Variants in NUMA1 observed in about 807,000 individuals in gnomAD.
The protein encoded by NUMA1 is nuclear mitotic apparatus protein 1, also known as SP-H antigen.
NUMA1 carries 62 observed loss-of-function variants against 237.1 expected under a neutral mutation model. The observed-to-expected ratio is 0.26, with a 90% CI of 0.21 to 0.32. NUMA1 has a LOEUF of 0.32. Among genes scored for constraint, NUMA1 ranks in the 10% least tolerant of loss-of-function variants. The pLI is 1.00. For synonymous variants in NUMA1, 1,028 were observed against 1,066.1 expected (o/e 0.96, Z 0.70); for missense variants, 2,533 against 2,666.5 (o/e 0.95, Z 1.10).
chr11:72,051,507 G>C (rs1942360447), intron 2 of NUMA1, among the ~76,000 whole-genome samples: 2 of 137,622 alleles, frequency 1.5e-5, no homozygotes, highest in Non-Finnish European at 3.0e-5. Context: ...GTCTCACTCT[G>C]CTGCCCAGGC....
At chr11:72,047,612 A>G (rs1183686665) in intron 2 of NUMA1, among the ~76,000 whole-genome samples, 3 of 152,182 alleles carry the variant, frequency 2.0e-5, no homozygotes, top group Non-Finnish European at 4.4e-5. Context: ...TGCAGCTTCT[A>G]GAGTTCTAGC....
At chr11:72,049,583 A>ATATATATATATATATAGTGT (rs71052844) in intron 2 of NUMA1, 1 of 22,556 alleles carries the variant, frequency 4.4e-5, no homozygotes, top group African/African-American at 1.0e-4. Context: ...ATATATATAT[A>ATATATATATATATATAGTGT]GTGTGTGTGT....
chr11:72,036,544 G>T (rs1941043182), intron 2 of NUMA1, among the ~76,000 whole-genome samples: 1 of 152,110 alleles, frequency 6.6e-6, no homozygotes, highest in South Asian at 2.1e-4. Flanking sequence ...CTTTCTACAG[G>T]TACCCAAATT....
intron 3 of NUMA1, among the ~76,000 whole-genome samples, chr11:72,033,560 A>G: frequency 6.6e-6 from 1 of 151,906 alleles, no homozygotes; most frequent in East Asian, 1.9e-4. Context: ...TTTTGAAGAG[A>G]CAGGGTCTCA....
intron 4 of NUMA1, 91 bp downstream of exon 4, chr11:72,029,114 A>G: frequency 2.2e-6 from 2 of 890,586 alleles, no homozygotes; most frequent in Non-Finnish European, 3.5e-6. Flanking sequence ...TTCTGGTCAT[A>G]GCCATCATCA....
chr11:72,022,043 G>A (rs955058418), intron 7 of NUMA1, among the ~76,000 whole-genome samples: 9 of 152,162 alleles, frequency 5.9e-5, no homozygotes, highest in African/African-American at 2.2e-4. Flanking sequence ...TATAGGAACA[G>A]AGAATAATTT....
intron 3 of NUMA1, among the ~76,000 whole-genome samples, 166 bp from the exon 4 acceptor site, chr11:72,029,456 T>A (rs1940012790): frequency 1.3e-5 from 2 of 152,222 alleles, no homozygotes; most frequent in Admixed American, 1.3e-4. Flanking sequence ...CACTCACTCA[T>A]CCAGTTACAG....
At chr11:72,052,056 C>G (rs1398069421) in intron 2 of NUMA1, among the ~76,000 whole-genome samples, 1 of 152,050 alleles carries the variant, frequency 6.6e-6, no homozygotes, top group African/African-American at 2.4e-5. Flanking sequence ...GTGGCAGCGA[C>G]AGAGGTAGAG....
At position 72,029,078 on chromosome 11, in the gene NUMA1, TATG is replaced by T; in HGVS notation, c.128+124_128+126del. On this transcript the variant is annotated intron_variant, in intron 4 of 26. Transcript: ENST00000393695. ...CTTGCCTTTAGGCCCCACCCTGGCT[TATG>T]ATGTCCCAATCCTTCCCCTGATTTC... 3 of 638,728 alleles carry T rather than the reference TATG, an allele frequency of 4.7e-6. No homozygotes were observed. In the South Asian group the frequency reaches 6.1e-5, roughly 13 times the overall value. The allele number at this position is 638,728 out of a possible 1,614,324, so 39.6% of individuals were successfully genotyped here.
intron 25 of NUMA1, 37 bp downstream of exon 25, chr11:72,004,188 A>T (rs199986139): frequency 1.2e-6 from 2 of 1,604,246 alleles, no homozygotes; most frequent in Admixed American, 3.5e-5. Flanking sequence ...AGGTCCCGCC[A>T]GGGCGTCGCT....
chr11:72,021,021 A>C (rs1401618213), intron 8 of NUMA1, 183 bp downstream of exon 8: 2 of 585,488 alleles, frequency 3.4e-6, no homozygotes, highest in Non-Finnish European at 6.1e-6. Context: ...GGAGCTCCAT[A>C]GGAACTGAGA....
intron 9 of NUMA1, 42 bp from the exon 10 acceptor site, chr11:72,019,022 G>T: frequency 6.2e-7 from 1 of 1,605,424 alleles, no homozygotes; most frequent in Non-Finnish European, 8.5e-7. Flanking sequence ...AAGCGCCTAA[G>T]ATCTGAAGCA....
rs763350835 is a variant in NUMA1, at chr11:72,006,225, C to T, written c.5502G>A (p.Ser1834=). Residue 1834 remains serine, a synonymous_variant, in exon 22 of 27, where the codon TCG becomes TCA. Transcript: ENST00000393695. ...DVEEPDSANS[S]FYSTRSAPAS... ...CAGGAGCAGACCGCGTGCTGTAGAA[C>T]GATGAGTTGGCGCTGTCTGGCTCTT... 32 of 1,614,040 alleles carry T rather than the reference C, an allele frequency of 2.0e-5. No homozygotes were observed. Among genetic ancestry groups the T allele is most frequent in the African/African-American group, 2.7e-5 (2 of 74,920 alleles).
intron 21 of NUMA1, 38 bp downstream of exon 21, chr11:72,007,151 G>A (rs760309329): frequency 1.4e-5 from 22 of 1,598,346 alleles, no homozygotes; most frequent in South Asian, 2.2e-5. Context: ...GAGGAAGTGG[G>A]AATTGCTGCC....
At chr11:72,055,556 C>G (rs1942588814) in intron 2 of NUMA1, among the ~76,000 whole-genome samples, 1 of 152,074 alleles carries the variant, frequency 6.6e-6, no homozygotes, top group South Asian at 2.1e-4. Flanking sequence ...TGGGAAGGGG[C>G]TAATGGTATG....
chr11:72,056,842 T>C (rs1328316941), intron 2 of NUMA1, among the ~76,000 whole-genome samples: 3 of 151,924 alleles, frequency 2.0e-5, no homozygotes, highest in Non-Finnish European at 4.4e-5. Context: ...GTCTTAGTGA[T>C]GTGAAAGAAT....
In NUMA1 at chr11:72,021,267, A is replaced by G; in HGVS notation, c.397T>C (p.Phe133Leu). The G allele has an allele frequency of 6.2e-7, 1 of 1,614,176 alleles. No homozygotes were observed. Residue 133 changes from phenylalanine to leucine, a missense_variant, in exon 8 of 27, where the codon TTT becomes CTT. Phe to Leu is a conservative substitution (Grantham distance 22, BLOSUM62 0). Around this residue, in one of 3 missense-constraint regions of NUMA1, gnomAD observed 1,414 missense variants for 1,508.1 expected, o/e 0.94. Coordinates refer to ENST00000393695, the MANE Select transcript of NUMA1 (RefSeq NM_006185.4). ...IQAELAVILK[F>L]VLDHEDGLNL... ...AGCCCGTCCTCATGGTCCAGCACAA[A>G]TTTAAGAATGACAGCCAACTCAGCC... is the stretch of plus-strand genomic sequence containing the variant.
At chr11:72,007,730 T>C (rs1955843625) in intron 20 of NUMA1, 2 of 447,664 alleles carry the variant, frequency 4.5e-6, no homozygotes, top group East Asian at 9.0e-5. Context: ...CTAAGCCCAC[T>C]TCTCTGTTCT....
At chr11:72,030,342 A>G (rs75102282) in intron 3 of NUMA1, among the ~76,000 whole-genome samples, 1 of 147,930 alleles carries the variant, frequency 6.8e-6, no homozygotes, top group African/African-American at 2.5e-5. Context: ...TCTCCAAAGG[A>G]AAAAAAAAAA....
Sources: gnomAD v4.1 joint callset for allele counts (sites outside exome capture counted in the v4.1 genomes callset) on GRCh38, gnomAD v4.1.1 for gene constraint, gnomAD v4.1.1 regional missense constraint, MANE v1.5 for transcripts, NCBI Gene and HGNC (gene_info 2026-07-23, HGNC 2026-07-21) for gene names.